The following TMEM231 variants were observed in gnomAD, a reference collection of about 807,000 sequenced individuals.
TMEM231 encodes the protein transmembrane protein 231.
In TMEM231, 40 loss-of-function variants were observed where a neutral mutation model predicts 38.5. The ratio of observed to expected loss-of-function variants is 1.04; its 90% CI spans 0.81 to 1.35. The LOEUF (loss-of-function observed/expected upper bound fraction) is 1.35. TMEM231 is among the 40% of genes most tolerant of loss of function. TMEM231 has a pLI of 0.00. For missense variants in TMEM231, 420 were observed against 416.9 expected (o/e 1.01, Z -0.07); for synonymous variants, 199 against 181.7 (o/e 1.10, Z -0.77).
chr16:75,555,679 TC>T, intron 2 of TMEM231, 124 bp downstream of exon 2: 1 of 1,000,998 alleles, frequency 1.0e-6, no homozygotes, highest in Non-Finnish European at 1.4e-6. Flanking sequence ...CTTTGCGGGT[TC>T]GCGAGTCCTT....
At position 75,539,908 on chromosome 16, in the gene TMEM231, T is replaced by G; in HGVS notation, c.*86A>C. Reference sequence around the variant, plus strand: ...AGCACACAAGCCCGCAGGTGTCCGCTGGGCTCTTTCAAAAGGTCCTAAGAT... The same window carrying G: ...AGCACACAAGCCCGCAGGTGTCCGCGGGGCTCTTTCAAAAGGTCCTAAGAT... On this transcript the variant is annotated 3_prime_UTR_variant, in exon 7 of 7. Coordinates refer to ENST00000258173, the MANE Select transcript of TMEM231 (RefSeq NM_001077418.3). 8.2e-7 allele frequency: 1 copy of G among 1,224,318 alleles called. No individual in the cohort carries two copies. The highest frequency in any genetic ancestry group is 1.1e-6 in the Non-Finnish European group (1 of 884,854). 75.8% of individuals were successfully genotyped at this position (1,224,318 alleles called of 1,614,324 possible).
At position 75,538,198 on chromosome 16, in the gene TMEM231, G is replaced by A. The variant is rs1182721133; in HGVS notation, c.*1796C>T. 6.6e-6 allele frequency: 1 copy of A among 152,070 alleles called. No homozygotes were observed. The highest frequency in any genetic ancestry group is 2.4e-5 in the African/African-American group (1 of 41,394). The allele number at this position is 152,070 out of a possible 1,614,324, so 9.4% of individuals were successfully genotyped here. A position where few individuals can be genotyped will look rare whatever the true frequency, so the allele number is the denominator to read the frequency against. On this transcript the variant is annotated 3_prime_UTR_variant, in exon 7 of 7. Coordinates refer to ENST00000258173, the MANE Select transcript of TMEM231 (RefSeq NM_001077418.3). ...TCTGTCACCCAGGCTACAGTACAGT[G>A]GTGCAATCATAGCACACTGCAGCCT... is the stretch of plus-strand genomic sequence containing the variant.
intron 2 of TMEM231, among the ~76,000 whole-genome samples, chr16:75,554,598 T>C (rs1412654242): frequency 2.9e-5 from 4 of 138,900 alleles, no homozygotes; most frequent in Non-Finnish European, 6.3e-5. Flanking sequence ...AAAAAAGAAA[T>C]GTTGTCCCTA....
chr16:75,542,201 G>A (rs1404714241), intron 5 of TMEM231, among the ~76,000 whole-genome samples: 1 of 152,166 alleles, frequency 6.6e-6, no homozygotes, highest in Admixed American at 6.5e-5. Flanking sequence ...GACTGCTAAT[G>A]TGGGGAGAGT....
chr16:75,543,629 A>G (rs2080651456), intron 4 of TMEM231, among the ~76,000 whole-genome samples: 1 of 152,124 alleles, frequency 6.6e-6, no homozygotes, highest in African/African-American at 2.4e-5. Context: ...AAGAAACCAT[A>G]CTTCCAACTC....
In TMEM231 at chr16:75,539,840, T is replaced by G. The variant is rs2080599459; in HGVS notation, c.*154A>C. ...TGCAGGAGCTCTGAAGATACGGAAC[T>G]GTGTAGAGCAAAACCGGAAAGAACC... On this transcript the variant is annotated 3_prime_UTR_variant, in exon 7 of 7. Transcript: ENST00000258173. The G allele has an allele frequency of 3.4e-6, 2 of 586,390 alleles. No individual in the cohort carries two copies. Among genetic ancestry groups the G allele is most frequent in the Non-Finnish European group, 5.8e-6 (2 of 346,716 alleles). 36.3% of individuals were successfully genotyped at this position (586,390 alleles called of 1,614,324 possible).
At chr16:75,547,677 G>A (rs1158368599) in intron 2 of TMEM231, among the ~76,000 whole-genome samples, 1 of 152,182 alleles carries the variant, frequency 6.6e-6, no homozygotes, top group Non-Finnish European at 1.5e-5. Flanking sequence ...TACTCAGGAG[G>A]CTGAGGCAGG....
chr16:75,546,091 G>C (rs2080687256), intron 2 of TMEM231, 137 bp from the exon 3 acceptor site: 2 of 1,544,632 alleles, frequency 1.3e-6, no homozygotes, highest in Non-Finnish European at 8.7e-7. Context: ...AAAGAGAAAA[G>C]CAGATAGATG....
At position 75,555,871 on chromosome 16, in the gene TMEM231, A is replaced by G. The variant is rs1179477881; in HGVS notation, c.242T>C (p.Leu81Pro). The G allele has an allele frequency of 6.3e-7, 1 of 1,591,446 alleles. No homozygotes were observed. The highest frequency in any genetic ancestry group is 8.6e-7 in the Non-Finnish European group (1 of 1,169,346). ...ALLGPESDGF[L>P]AWSTFPAFNR... ...GAAGGCGGGGAACGTGCTCCAGGCG[A>G]GGAACCCGTCGCTTTCGGGTCCGAG... is the stretch of plus-strand genomic sequence containing the variant. The change falls in exon 2 of 7, where the codon CTC becomes CCC. Residue 81 changes from leucine (L) to proline (P), a missense_variant. Transcript: ENST00000258173.
intron 6 of TMEM231, among the ~76,000 whole-genome samples, 165 bp downstream of exon 6, chr16:75,541,180 ATTTTT>A (rs58545518): frequency 7.3e-6 from 1 of 136,840 alleles, no homozygotes. Context: ...TGCCTGGCTA[ATTTTT>A]TTTTTTTTTT....
rs149888762 is a variant in TMEM231, at chr16:75,540,054, C to T, written c.891G>A (p.Val297=). The T allele has an allele frequency of 5.7e-3, 9,247 of 1,613,694 alleles. 77 individuals are homozygous for T. Among genetic ancestry groups the T allele is most frequent in the South Asian group, 0.029 (2,630 of 91,052 alleles). ...IKIFVFQNQV[V]TTIPVTVTPR... The stretch of plus-strand genomic sequence containing the variant: ...GCGTCACTGTCACAGGAATGGTGGT[C>T]ACCACCTGATTCTGAAACACGAAGA... The change falls in exon 7 of 7, where the codon GTG becomes GTA. Residue 297 remains valine, a synonymous_variant. Transcript: ENST00000258173.
At chr16:75,547,227 C>A (rs887906312) in intron 2 of TMEM231, among the ~76,000 whole-genome samples, 1 of 152,198 alleles carries the variant, frequency 6.6e-6, no homozygotes, top group African/African-American at 2.4e-5. Flanking sequence ...GATCCACCAT[C>A]TATGGATTCA....
intron 2 of TMEM231, 77 bp from the exon 3 acceptor site, chr16:75,546,031 A>G: frequency 1.9e-6 from 3 of 1,561,778 alleles, no homozygotes; most frequent in Non-Finnish European, 2.6e-6. Context: ...CTGTAAATAC[A>G]CAATGACCCA....
At chr16:75,544,699 C>T (rs1161383677) in intron 4 of TMEM231, among the ~76,000 whole-genome samples, 10 of 152,178 alleles carry the variant, frequency 6.6e-5, no homozygotes, top group Admixed American at 1.3e-4. Context: ...CAGTGTCCTT[C>T]GGAGTACATC....
chr16:75,546,518 C>G (rs971554433), intron 2 of TMEM231, among the ~76,000 whole-genome samples: 1 of 152,046 alleles, frequency 6.6e-6, no homozygotes, highest in Admixed American at 6.6e-5. Context: ...TCACGGCTCA[C>G]TACAACCTCC....
chr16:75,554,500 T>C (rs1487079584), intron 2 of TMEM231, among the ~76,000 whole-genome samples: 1 of 141,304 alleles, frequency 7.1e-6, no homozygotes, highest in Non-Finnish European at 1.5e-5. Flanking sequence ...AGCAGAGAAT[T>C]GCAGCACTGC....
At position 75,555,989 on chromosome 16, in the gene TMEM231, C is replaced by T; in HGVS notation, c.140-16G>A. 2 of 1,595,534 alleles carry T rather than the reference C, an allele frequency of 1.3e-6. No individual in the cohort carries two copies. The highest frequency in any genetic ancestry group is 1.7e-6 in the Non-Finnish European group (2 of 1,171,078). On this transcript the variant is annotated splice_polypyrimidine_tract_variant and intron_variant, in intron 1 of 6. Transcript: ENST00000258173. ...AGCCAAAACCCTGAGTTAAAGAGGG[C>T]GGTAGGGAGGCGGTTAGGGAGGCCG...
intron 4 of TMEM231, among the ~76,000 whole-genome samples, chr16:75,544,776 G>C (rs756808099): frequency 6.6e-6 from 1 of 152,084 alleles, no homozygotes; most frequent in Non-Finnish European, 1.5e-5. Flanking sequence ...GGACCTAAAA[G>C]CAATAAGCAA....
At chr16:75,544,362 T>C (rs914442722) in intron 4 of TMEM231, among the ~76,000 whole-genome samples, 25 of 152,064 alleles carry the variant, frequency 1.6e-4, no homozygotes, top group Non-Finnish European at 2.1e-4. Flanking sequence ...AACAGGGACC[T>C]GAATGGCATG....
Sources: gnomAD v4.1 joint callset for allele counts (sites outside exome capture counted in the v4.1 genomes callset) on GRCh38, gnomAD v4.1.1 for gene constraint, MANE v1.5 for transcripts, NCBI Gene and HGNC (gene_info 2026-07-23, HGNC 2026-07-21) for gene names.